Variants in L3MBTL4 observed in about 807,000 individuals in gnomAD.
L3MBTL4 encodes L3MBTL histone methyl-lysine binding protein 4.
A neutral mutation model predicts 84.5 loss-of-function variants in L3MBTL4; 70 were observed. The observed-to-expected ratio is 0.83, with a 90% CI of 0.68 to 1.01. L3MBTL4 has a LOEUF of 1.01. Ranked by LOEUF, L3MBTL4 falls within the 50% of genes least tolerant of loss-of-function variation. L3MBTL4 has a pLI of 0.00. For synonymous variants in L3MBTL4, 274 were observed against 259.8 expected (o/e 1.05, Z -0.52); for missense variants, 715 against 754.8 (o/e 0.95, Z 0.62).
chr18:6,289,132 G>A (rs376286421), intron 4 of L3MBTL4, among the ~76,000 whole-genome samples: 4 of 152,092 alleles, frequency 2.6e-5, no homozygotes, highest in African/African-American at 4.8e-5. Context: ...GTAGGACTGA[G>A]ACTGAGGATT....
At chr18:5,977,830 T>C (rs899734213) in intron 16 of L3MBTL4, among the ~76,000 whole-genome samples, 14 of 152,162 alleles carry the variant, frequency 9.2e-5, no homozygotes, top group Admixed American at 8.5e-4. Context: ...TCAGGCCTCA[T>C]CACCCTCTGT....
chr18:6,188,512 G>T (rs1033103146), intron 12 of L3MBTL4, among the ~76,000 whole-genome samples: 3 of 152,150 alleles, frequency 2.0e-5, no homozygotes, highest in African/African-American at 7.2e-5. Flanking sequence ...AAGTCTAAAT[G>T]AAGTCTAAAT....
At chr18:6,313,338 T>C (rs1357321364) in intron 1 of L3MBTL4, among the ~76,000 whole-genome samples, 3 of 152,246 alleles carry the variant, frequency 2.0e-5, no homozygotes, top group African/African-American at 7.2e-5. Context: ...TTTAGAATGC[T>C]GTATGACTAG....
intron 5 of L3MBTL4, among the ~76,000 whole-genome samples, chr18:6,262,455 C>T (rs1169073130): frequency 6.6e-6 from 1 of 152,164 alleles, no homozygotes; most frequent in Non-Finnish European, 1.5e-5. Flanking sequence ...GGAAGAAACC[C>T]CCTAAGTCTT....
At chr18:6,239,952 T>G (rs1308559170) in intron 8 of L3MBTL4, 80 bp from the exon 9 acceptor site, 24 of 1,489,884 alleles carry the variant, frequency 1.6e-5, no homozygotes, top group Non-Finnish European at 1.8e-6. Flanking sequence ...AAAACTTCTA[T>G]GTTTAGCAAC....
chr18:6,306,588 C>T (rs1599567272), intron 3 of L3MBTL4, among the ~76,000 whole-genome samples: 1 of 152,162 alleles, frequency 6.6e-6, no homozygotes, highest in Non-Finnish European at 1.5e-5. Flanking sequence ...AGAAAGATTG[C>T]ATTACCCTCT....
intron 5 of L3MBTL4, among the ~76,000 whole-genome samples, chr18:6,257,580 G>A (rs1389251101): frequency 6.6e-6 from 1 of 151,750 alleles, no homozygotes; most frequent in Non-Finnish European, 1.5e-5. Flanking sequence ...AGATGGAACA[G>A]ACTTAAGCAT....
chr18:6,086,849 G>T (rs1274686774), intron 15 of L3MBTL4, among the ~76,000 whole-genome samples: 1 of 152,088 alleles, frequency 6.6e-6, no homozygotes, highest in African/African-American at 2.4e-5. Flanking sequence ...AGATGGAACT[G>T]GTTTGCTCAC....
At chr18:5,986,295 A>T (rs2053462384) in intron 16 of L3MBTL4, among the ~76,000 whole-genome samples, 1 of 152,210 alleles carries the variant, frequency 6.6e-6, no homozygotes, top group South Asian at 2.1e-4. Flanking sequence ...CCCATGTTCA[A>T]ATGAGGAAAC....
At chr18:6,045,422 A>T (rs1413901373) in intron 16 of L3MBTL4, among the ~76,000 whole-genome samples, 1 of 152,174 alleles carries the variant, frequency 6.6e-6, no homozygotes, top group Non-Finnish European at 1.5e-5. Context: ...ATAAGGACAT[A>T]CCTGAGACTG....
At chr18:6,063,301 G>C (rs1265515250) in intron 16 of L3MBTL4, among the ~76,000 whole-genome samples, 10 of 94,386 alleles carry the variant, frequency 1.1e-4, no homozygotes, top group Non-Finnish European at 7.3e-5. Flanking sequence ...ATAAATATCT[G>C]TGTGTGTGTG....
chr18:6,109,893 C>G (rs1281933974), intron 14 of L3MBTL4, among the ~76,000 whole-genome samples: 1 of 151,824 alleles, frequency 6.6e-6, no homozygotes, highest in Admixed American at 6.6e-5. Context: ...AAGGTCAGTG[C>G]ACCCTCCAGG....
At chr18:6,171,967 T>C in intron 12 of L3MBTL4, 25 bp from the exon 13 acceptor site, 1 of 1,107,354 alleles carries the variant, frequency 9.0e-7, no homozygotes, top group East Asian at 2.6e-5. Context: ...TTTGAATGAT[T>C]AGCATTTAGT....
At chr18:6,119,045 A>G (rs2059447538) in intron 14 of L3MBTL4, among the ~76,000 whole-genome samples, 1 of 143,498 alleles carries the variant, frequency 7.0e-6, no homozygotes, top group Non-Finnish European at 1.5e-5. Context: ...CTCCCTTCAA[A>G]GAGCTTCCTT....
intron 12 of L3MBTL4, among the ~76,000 whole-genome samples, chr18:6,189,781 GA>G (rs926557176): frequency 1.5e-4 from 23 of 151,922 alleles, no homozygotes; most frequent in African/African-American, 5.3e-4. Flanking sequence ...GAAAATAGCA[GA>G]AAAAAAGGCA....
intron 16 of L3MBTL4, among the ~76,000 whole-genome samples, chr18:6,052,241 T>C (rs542759983): frequency 3.3e-5 from 5 of 152,292 alleles, no homozygotes; most frequent in African/African-American, 9.6e-5. Flanking sequence ...TAGCTACTGA[T>C]AGCATGCTAC....
intron 1 of L3MBTL4, among the ~76,000 whole-genome samples, chr18:6,323,904 G>T (rs2051566809): frequency 1.3e-5 from 2 of 151,602 alleles, no homozygotes; most frequent in African/African-American, 2.4e-5. Flanking sequence ...GCATTTCAGA[G>T]ACATTCCTGG....
chr18:6,031,736 A>G (rs1181039521), intron 16 of L3MBTL4: 2 of 985,362 alleles, frequency 2.0e-6, no homozygotes, highest in African/African-American at 3.5e-5. Flanking sequence ...ATGAAGGGCA[A>G]ATGGAAAGTG....
intron 1 of L3MBTL4, among the ~76,000 whole-genome samples, chr18:6,374,194 A>C (rs2054273600): frequency 6.6e-6 from 1 of 152,132 alleles, no homozygotes; most frequent in Non-Finnish European, 1.5e-5. Flanking sequence ...GTTCAAATCC[A>C]GTCACTGCCA....
Sources: allele counts gnomAD v4.1 joint callset (sites outside exome capture counted in the v4.1 genomes callset), GRCh38; gene constraint gnomAD v4.1.1; transcripts MANE v1.5; gene names NCBI Gene and HGNC (gene_info 2026-07-23, HGNC 2026-07-21).